The following GMDS variants were observed in gnomAD, a reference collection of about 807,000 sequenced individuals.
GMDS encodes the protein GDP-mannose 4,6-dehydratase.
A neutral mutation model predicts 49.9 loss-of-function variants in GMDS; 20 were observed. The ratio of observed to expected loss-of-function variants is 0.40; its 90% CI spans 0.28 to 0.58. The LOEUF is 0.58. GMDS is among the 20% of genes least tolerant of loss of function. The pLI, the probability that GMDS is intolerant of heterozygous loss-of-function variation, is 0.42. For synonymous variants in GMDS, 177 were observed against 178.6 expected, an observed-to-expected ratio of 0.99 and a Z score of 0.07; for missense variants, 362 against 481.4, an observed-to-expected ratio of 0.75 and a Z score of 2.32.
intron 7 of GMDS, among the ~76,000 whole-genome samples, chr6:1,924,288 C>T (rs189915988): frequency 1.9e-4 from 29 of 152,348 alleles, no homozygotes; most frequent in African/African-American, 5.1e-4. Flanking sequence ...AGGTATATGA[C>T]GTTAAATTCT....
intron 4 of GMDS, among the ~76,000 whole-genome samples, chr6:1,961,317 G>C (rs12664839): frequency 0.04 from 6,057 of 152,162 alleles, 394 homozygotes; most frequent in African/African-American, 0.14. Flanking sequence ...AATCTCTTTG[G>C]GGGGTAGGGA....
At chr6:2,172,300 A>G (rs1209653588) in intron 1 of GMDS, among the ~76,000 whole-genome samples, 1 of 152,184 alleles carries the variant, frequency 6.6e-6, no homozygotes, top group Non-Finnish European at 1.5e-5. Flanking sequence ...TGAACACAAG[A>G]CAAAATAGAA....
intron 1 of GMDS, among the ~76,000 whole-genome samples, chr6:2,228,470 C>G (rs952196560): frequency 6.6e-6 from 1 of 152,198 alleles, no homozygotes; most frequent in Non-Finnish European, 1.5e-5. Context: ...AAACATTTCT[C>G]CCATGCAGAG....
intron 7 of GMDS, among the ~76,000 whole-genome samples, chr6:1,909,779 T>C (rs924987399): frequency 3.9e-5 from 6 of 152,148 alleles, no homozygotes; most frequent in Admixed American, 1.3e-4. Flanking sequence ...GGTCACATGA[T>C]CACCACAATG....
At chr6:1,681,877 A>G (rs1764804259) in intron 9 of GMDS, among the ~76,000 whole-genome samples, 1 of 152,186 alleles carries the variant, frequency 6.6e-6, no homozygotes. Flanking sequence ...TGTATTTCTT[A>G]TAGAGACAAG....
chr6:1,695,907 G>GTTTT (rs11366742), intron 9 of GMDS, among the ~76,000 whole-genome samples: 2 of 124,410 alleles, frequency 1.6e-5, no homozygotes, highest in African/African-American at 6.1e-5. Flanking sequence ...TTCTGTCTTG[G>GTTTT]TTTTTTTTTT....
At chr6:1,873,650 T>C (rs1460167372) in intron 7 of GMDS, among the ~76,000 whole-genome samples, 1 of 152,198 alleles carries the variant, frequency 6.6e-6, no homozygotes, top group Non-Finnish European at 1.5e-5. Flanking sequence ...TTTTGCTATG[T>C]AAAAAGCTGA....
intron 1 of GMDS, 41 bp from the exon 2 acceptor site, chr6:2,124,772 T>C: frequency 6.6e-7 from 1 of 1,521,538 alleles, no homozygotes; most frequent in Non-Finnish European, 9.1e-7. Context: ...AGTCTCATAG[T>C]GGTATAGAAA....
At chr6:1,829,971 G>C (rs894856496) in intron 7 of GMDS, among the ~76,000 whole-genome samples, 1 of 152,018 alleles carries the variant, frequency 6.6e-6, no homozygotes, top group Admixed American at 6.5e-5. Flanking sequence ...CACAAGCCTT[G>C]GTTTTGAGTT....
intron 7 of GMDS, among the ~76,000 whole-genome samples, chr6:1,844,933 T>C (rs889688058): frequency 2.6e-5 from 4 of 152,194 alleles, no homozygotes; most frequent in Admixed American, 1.3e-4. Context: ...ACTAAATGAG[T>C]GGCCCTATTC....
intron 7 of GMDS, among the ~76,000 whole-genome samples, chr6:1,881,277 T>C (rs1472824905): frequency 1.3e-5 from 2 of 152,058 alleles, no homozygotes; most frequent in African/African-American, 4.8e-5. Flanking sequence ...GAGAAACAAA[T>C]GAGCAGACAA....
At chr6:2,236,883 A>G (rs993873262) in intron 1 of GMDS, among the ~76,000 whole-genome samples, 2 of 152,212 alleles carry the variant, frequency 1.3e-5, no homozygotes, top group African/African-American at 4.8e-5. Flanking sequence ...AATACAACCA[A>G]GCTTTGGTGG....
intron 1 of GMDS, among the ~76,000 whole-genome samples, chr6:2,170,969 T>A (rs1244505166): frequency 6.6e-6 from 1 of 151,860 alleles, no homozygotes; most frequent in Non-Finnish European, 1.5e-5. Context: ...CACTCCAGCC[T>A]GGGCAAAAGA....
intron 6 of GMDS, 42 bp from the exon 7 acceptor site, chr6:1,930,272 G>C: frequency 6.3e-7 from 1 of 1,582,240 alleles, no homozygotes; most frequent in South Asian, 1.2e-5. Context: ...AAGTGCACTT[G>C]ACACATTTAA....
At chr6:1,666,929 C>G (rs1305450129) in intron 9 of GMDS, among the ~76,000 whole-genome samples, 4 of 152,212 alleles carry the variant, frequency 2.6e-5, no homozygotes, top group Admixed American at 6.5e-5. Context: ...AATGGAGCAC[C>G]CTCTGGGGGA....
chr6:2,108,660 A>C (rs1774373326), intron 4 of GMDS, among the ~76,000 whole-genome samples: 1 of 152,218 alleles, frequency 6.6e-6, no homozygotes, highest in Non-Finnish European at 1.5e-5. Context: ...TCACCGTAGT[A>C]AACAGTGGGA....
intron 7 of GMDS, among the ~76,000 whole-genome samples, chr6:1,840,110 C>G (rs750545540): frequency 1.1e-4 from 17 of 152,118 alleles, no homozygotes; most frequent in Non-Finnish European, 2.4e-4. Context: ...ACGCACAAAA[C>G]CAGTGCACTT....
rs183327523 is a variant in GMDS, at chr6:1,738,611, C to T, written c.890+3857G>A. Among the ~76,000 whole-genome samples, 18 of 152,266 alleles carry T rather than the reference C, an allele frequency of 1.2e-4. No individual in the cohort carries two copies. The East Asian group carries it at 2.3e-3, about 20-fold the overall frequency. On this transcript the variant is annotated intron_variant, in intron 8 of 10. Transcript: ENST00000380815. Reference sequence around the variant, plus strand: ...CAGATGCTGATTGGTGTGTCTGATACGGTACAGCCTCATGTAATATGAGGC... The same window carrying T: ...CAGATGCTGATTGGTGTGTCTGATATGGTACAGCCTCATGTAATATGAGGC...
At chr6:1,624,355 G>T in intron 10 of GMDS, 117 bp downstream of exon 10, 1 of 1,272,512 alleles carries the variant, frequency 7.9e-7, no homozygotes, top group Non-Finnish European at 1.1e-6. Flanking sequence ...CACTTCTCCC[G>T]CACCCCGCCT....
Sources: allele counts gnomAD v4.1 joint callset (sites outside exome capture counted in the v4.1 genomes callset), GRCh38; gene constraint gnomAD v4.1.1; transcripts MANE v1.5; gene names NCBI Gene and HGNC (gene_info 2026-07-23, HGNC 2026-07-21).